The following EPB41L1 variants were observed in gnomAD, a reference collection of about 807,000 sequenced individuals.
EPB41L1 encodes band 4.1-like protein 1.
Under a neutral mutation model 97.8 loss-of-function variants are expected in EPB41L1, and 29 were observed. The observed-to-expected ratio is 0.30, with a 90% confidence interval of 0.22 to 0.40. The LOEUF is 0.40. EPB41L1 is among the 10% of genes least tolerant of loss of function. EPB41L1 has a pLI of 1.00. For synonymous variants in EPB41L1, 383 were observed against 459.2 expected, an observed-to-expected ratio of 0.83 and a Z score of 2.12; for missense variants, 812 against 1,162.3, an observed-to-expected ratio of 0.70 and a Z score of 4.38.
chr20:36,214,243 T>A, intron 16 of EPB41L1, 114 bp from the exon 17 acceptor site: 12 of 755,102 alleles, frequency 1.6e-5, no homozygotes, highest in South Asian at 1.6e-4. Context: ...CCCCTGCCAG[T>A]GATGTTCACT....
chr20:36,135,451 T>C (rs1470639745), intron 2 of EPB41L1, among the ~76,000 whole-genome samples: 1 of 152,222 alleles, frequency 6.6e-6, no homozygotes, highest in Non-Finnish European at 1.5e-5. Flanking sequence ...GAATCCCCCC[T>C]CTGCTCACCA....
At chr20:36,121,536 G>A (rs370155488) in intron 2 of EPB41L1, 42 of 152,406 alleles carry the variant, frequency 2.8e-4, no homozygotes, top group African/African-American at 9.9e-4. Flanking sequence ...TACCAAAAGG[G>A]GAGATGAGAA....
intron 1 of EPB41L1, among the ~76,000 whole-genome samples, chr20:36,102,127 G>A (rs1324879112): frequency 1.4e-5 from 2 of 147,844 alleles, no homozygotes; most frequent in African/African-American, 4.9e-5. Context: ...GGGGGTGGGC[G>A]TCAGATCCGA....
rs111611093 is a variant in EPB41L1 at position 36,113,734 on chromosome 20, G to A, written c.-10+1254G>A. 545 of 152,742 alleles carry A rather than the reference G, an allele frequency of 3.6e-3. 12 individuals are homozygous for A. Among genetic ancestry groups the A allele is most frequent in the Non-Finnish European group, 4.5e-3 (306 of 68,062 alleles). The allele number at this position is 152,742 out of a possible 1,614,324, so 9.5% of individuals were successfully genotyped here. ...CAGAGGAGGTGGATTAGGAGTTCCC[G>A]GGAGGGAGCCTGCTCAGCCTTTCCC... On this transcript the variant is annotated intron_variant, in intron 2 of 19. Coordinates refer to the EPB41L1 transcript ENST00000202028.
chr20:36,188,878 C>CA (rs536424227), intron 9 of EPB41L1, among the ~76,000 whole-genome samples: 253 of 76,646 alleles, frequency 3.3e-3, no homozygotes, highest in Admixed American at 6.3e-3. Context: ...GACTCTGTCT[C>CA]AAAAAAAAAA....
At chr20:36,136,462 G>C (rs746268929) in intron 2 of EPB41L1, among the ~76,000 whole-genome samples, 3 of 151,242 alleles carry the variant, frequency 2.0e-5, no homozygotes, top group Non-Finnish European at 4.4e-5. Flanking sequence ...TTATAGGTGT[G>C]AGTCACCATG....
At chr20:36,147,751 C>G (rs1260121076) in intron 2 of EPB41L1, among the ~76,000 whole-genome samples, 1 of 152,310 alleles carries the variant, frequency 6.6e-6, no homozygotes, top group East Asian at 1.9e-4. Flanking sequence ...CAGCTTTTCT[C>G]CTGTTGCCTC....
At chr20:36,197,063 T>C (rs190513258) in intron 13 of EPB41L1, among the ~76,000 whole-genome samples, 1 of 152,212 alleles carries the variant, frequency 6.6e-6, no homozygotes, top group African/African-American at 2.4e-5. Flanking sequence ...CACAGCATTC[T>C]AGTTTCTCTA....
intron 1 of EPB41L1, among the ~76,000 whole-genome samples, chr20:36,107,626 T>C (rs1258957087): frequency 1.0e-5 from 1 of 96,738 alleles, no homozygotes; most frequent in African/African-American, 4.1e-5. Context: ...CGTCAGGAGT[T>C]CGAGACCAGC....
chr20:36,153,381 G>A (rs117203068), upstream of EPB41L1, among the ~76,000 whole-genome samples: 326 of 152,204 alleles, frequency 2.1e-3, 11 homozygotes, highest in East Asian at 0.05. Context: ...GAAGGATGGA[G>A]GGCTCAGCTC....
intron 1 of EPB41L1, among the ~76,000 whole-genome samples, chr20:36,160,611 A>G (rs1385737677): frequency 2.0e-5 from 3 of 151,980 alleles, no homozygotes; most frequent in Non-Finnish European, 4.4e-5. Flanking sequence ...AGAAAGAAAG[A>G]AAGAAAAAAA....
chr20:36,130,901 T>C (rs2059177631), intron 2 of EPB41L1, among the ~76,000 whole-genome samples: 1 of 151,636 alleles, frequency 6.6e-6, no homozygotes, highest in African/African-American at 2.4e-5. Flanking sequence ...CCTCTGCCTC[T>C]GGGTTCAAGG....
intron 1 of EPB41L1, among the ~76,000 whole-genome samples, chr20:36,156,233 T>C (rs1457165940): frequency 3.9e-5 from 6 of 152,224 alleles, no homozygotes; most frequent in Non-Finnish European, 8.8e-5. Flanking sequence ...ATAGTATTTA[T>C]GGCATGCAGA....
chr20:36,195,133 AG>A lies in EPB41L1; in HGVS notation c.1450-195del, dbSNP rs970951646. On this transcript the variant is annotated intron_variant, in intron 12 of 21. Transcript: ENST00000338074. This position sits in a 1 kb window ranked among gnomAD's most constrained non-coding sequence, Gnocchi z 4.6. The stretch of plus-strand genomic sequence containing the variant: ...GTTCCCTTCTCTGCCTTCCTGGGAC[AG>A]CACCCTGCTTCACACCTGTACCTTC... Among the ~76,000 whole-genome samples, 1 of 152,122 alleles carries A rather than the reference AG, an allele frequency of 6.6e-6. No individual in the cohort carries two copies. The highest frequency in any genetic ancestry group is 1.5e-5 in the Non-Finnish European group (1 of 68,004).
In EPB41L1 at chr20:36,190,809, A is replaced by C; in HGVS notation, c.1300+12A>C. ...CAGCCTTGATGGAGGTATGGCCCAA[A>C]TTGGAGGGCTGGGCGGGGAATGGTC... On this transcript the variant is annotated intron_variant, in intron 11 of 21. Coordinates refer to ENST00000338074, the MANE Select transcript of EPB41L1 (RefSeq NM_012156.2). This position sits in a 1 kb window ranked among gnomAD's most constrained non-coding sequence, Gnocchi z 5.8. 6.2e-7 allele frequency: 1 copy of C among 1,613,194 alleles called. No individual in the cohort carries two copies. Among genetic ancestry groups the C allele is most frequent in the Non-Finnish European group, 8.5e-7 (1 of 1,180,004 alleles).
chr20:36,190,632 C>T lies in EPB41L1; in HGVS notation c.1135C>T (p.Pro379Ser). ...ATCCCTCTGCTGCAGGCTGGTGTCC[C>T]CTGAGCCCCCACCCAAGGGCTTCCT... is the stretch of plus-strand genomic sequence containing the variant. ...EHHTFFRLVS[P>S]EPPPKGFLVM... Residue 379 changes from proline to serine, a missense_variant, in exon 11 of 22, where the codon CCT becomes TCT. Pro to Ser is a moderately conservative substitution (Grantham distance 74). This residue lies in a region of EPB41L1 where 230 missense variants were observed against 445.2 expected (regional missense o/e 0.52). Coordinates refer to ENST00000338074, the MANE Select transcript of EPB41L1 (RefSeq NM_012156.2). The surrounding 1 kb of genome is among the most constrained non-coding windows in gnomAD (Gnocchi z 5.8). 3.7e-6 allele frequency: 6 copies of T among 1,612,898 alleles called. No homozygotes were observed. The highest frequency in any genetic ancestry group is 4.2e-6 in the Non-Finnish European group (5 of 1,179,404).
In EPB41L1 at chr20:36,207,806, C is replaced by T. The variant is rs1255152685; in HGVS notation, c.1669-1682C>T. Reference sequence around the variant, plus strand: ...GTAACTGGCCGCGTGAGCCCCCGCCCCCACCGCTGCTCCCCGCCCATGGGG... The same window carrying T: ...GTAACTGGCCGCGTGAGCCCCCGCCTCCACCGCTGCTCCCCGCCCATGGGG... On this transcript the variant is annotated intron_variant, in intron 14 of 21. Transcript: ENST00000338074. The surrounding 1 kb of genome is among the most constrained non-coding windows in gnomAD (Gnocchi z 4.9). The T allele has an allele frequency of 1.4e-5, 18 of 1,276,826 alleles. No individual in the cohort carries two copies. In the Middle Eastern group the frequency reaches 1.1e-3, roughly 76 times the overall value. 79.1% of individuals were successfully genotyped at this position (1,276,826 alleles called of 1,614,324 possible).
chr20:36,154,318 C>G (rs755498794), upstream of EPB41L1, among the ~76,000 whole-genome samples: 8 of 152,162 alleles, frequency 5.3e-5, no homozygotes, highest in African/African-American at 1.7e-4. The surrounding 1 kb of genome is among the most constrained non-coding windows in gnomAD (Gnocchi z 5.5). Context: ...TCTCCTCCCC[C>G]TCCCTTTCTC....
At position 36,206,342 on chromosome 20, in the gene EPB41L1, C is replaced by T; in HGVS notation, c.1669-3146C>T. 7.8e-7 allele frequency: 1 copy of T among 1,289,924 alleles called. No homozygotes were observed. Among genetic ancestry groups the T allele is most frequent in the Non-Finnish European group, 1.0e-6 (1 of 988,910 alleles). The allele number at this position is 1,289,924 out of a possible 1,614,324, so 79.9% of individuals were successfully genotyped here. ...CCCACTGCTCCAGGGACCAGGCCAG[C>T]AGAGGTGGACGTCCTCTCTCCAGCC... On this transcript the variant is annotated intron_variant, in intron 14 of 21. Coordinates refer to ENST00000338074, the MANE Select transcript of EPB41L1 (RefSeq NM_012156.2). This position sits in a 1 kb window ranked among gnomAD's most constrained non-coding sequence, Gnocchi z 5.5.
Sources: gnomAD v4.1 joint callset for allele counts (sites outside exome capture counted in the v4.1 genomes callset) on GRCh38, gnomAD v4.1.1 for gene constraint, gnomAD v4.1.1 regional missense constraint, Gnocchi (gnomAD v3.1) non-coding constraint, MANE v1.5 for transcripts, NCBI Gene and HGNC (gene_info 2026-07-23, HGNC 2026-07-21) for gene names.